PAPPA: variants seen among roughly 807,000 people sequenced by gnomAD.
PAPPA encodes the protein pappalysin 1.
A neutral mutation model predicts 164.0 loss-of-function variants in PAPPA; 60 were observed. The ratio of observed to expected loss-of-function variants is 0.37; its 90% CI spans 0.30 to 0.45. PAPPA has a LOEUF of 0.45. PAPPA is among the 20% of genes least tolerant of loss of function. PAPPA has a pLI of 1.00. For synonymous variants in PAPPA, 875 were observed against 814.1 expected (o/e 1.07, Z -1.27); for missense variants, 1,782 against 2,087.3 (o/e 0.85, Z 2.85).
intron 19 of PAPPA, among the ~76,000 whole-genome samples, chr9:116,370,917 G>A (rs1348818104): frequency 6.6e-6 from 1 of 152,136 alleles, no homozygotes; most frequent in Non-Finnish European, 1.5e-5. Flanking sequence ...TATGATTGCT[G>A]AGTCAGATGA....
intron 6 of PAPPA, among the ~76,000 whole-genome samples, chr9:116,233,086 A>G (rs868450438): frequency 2.0e-5 from 3 of 152,244 alleles, no homozygotes; most frequent in Non-Finnish European, 2.9e-5. Flanking sequence ...TTAATGTTCT[A>G]TGCTGTAACT....
intron 1 of PAPPA, among the ~76,000 whole-genome samples, chr9:116,178,827 A>G (rs1843867277): frequency 6.6e-6 from 1 of 152,234 alleles, no homozygotes; most frequent in African/African-American, 2.4e-5. Flanking sequence ...AGTAAATGGC[A>G]AAGCCAGCAT....
In PAPPA at chr9:116,174,878, C is replaced by A. The variant is rs1017741537; in HGVS notation, c.416-12276C>A. Among the ~76,000 whole-genome samples, 18 of 152,034 alleles carry A rather than the reference C, an allele frequency of 1.2e-4. 1 individual carries two copies. The highest frequency in any genetic ancestry group is 5.9e-5 in the Non-Finnish European group (4 of 68,014). On this transcript the variant is annotated intron_variant, in intron 1 of 21. Transcript: ENST00000328252. ...GTGACCATGGATGAAAAGAAATTTG[C>A]CCAAGATTAATAGTGGCAAATTAAA...
intron 10 of PAPPA, among the ~76,000 whole-genome samples, chr9:116,325,404 A>G (rs752733286): frequency 3.3e-5 from 5 of 152,206 alleles, no homozygotes; most frequent in Non-Finnish European, 5.9e-5. Flanking sequence ...ACCATTCAGT[A>G]CAACTGCAGA....
intron 7 of PAPPA, among the ~76,000 whole-genome samples, chr9:116,264,003 T>A (rs1050789155): frequency 6.6e-6 from 1 of 152,182 alleles, no homozygotes; most frequent in Admixed American, 6.5e-5. Flanking sequence ...TGGGATGTAG[T>A]CTGAAGAAAA....
At chr9:116,318,416 A>G (rs1435299514) in intron 10 of PAPPA, 1 of 152,188 alleles carries the variant, frequency 6.6e-6, no homozygotes, top group Non-Finnish European at 1.5e-5. Flanking sequence ...AGTGCTAAAT[A>G]AATGTTGAAT....
rs781517865 is a variant in PAPPA at position 116,347,250 on chromosome 9, A to C, written c.3964+41A>C. 1 of 1,549,810 alleles carries C rather than the reference A, an allele frequency of 6.5e-7. No individual in the cohort carries two copies. On this transcript the variant is annotated intron_variant, in intron 15 of 21. Transcript: ENST00000328252. The surrounding 1 kb of genome is among the most constrained non-coding windows in gnomAD (Gnocchi z 4.5). ...TCCCCAGCTCAGCCTTCCTTTGTCT[A>C]TGGGAAACCTAGAAGCTGCATCCAG...
At chr9:116,322,436 G>C (rs923381260) in intron 10 of PAPPA, among the ~76,000 whole-genome samples, 2 of 143,744 alleles carry the variant, frequency 1.4e-5, no homozygotes, top group Admixed American at 6.9e-5. Flanking sequence ...AAAAAAAAGA[G>C]CTGGTGCCCT....
At chr9:116,248,977 C>T (rs958344118) in intron 7 of PAPPA, among the ~76,000 whole-genome samples, 25 of 152,214 alleles carry the variant, frequency 1.6e-4, no homozygotes, top group African/African-American at 5.8e-4. Flanking sequence ...CCTCTTGGGG[C>T]CTCAGCTCTC....
At chr9:116,350,332 A>G (rs1354132087) in intron 15 of PAPPA, among the ~76,000 whole-genome samples, 12 of 152,198 alleles carry the variant, frequency 7.9e-5, no homozygotes, top group Admixed American at 7.2e-4. Flanking sequence ...TTGTAGATGC[A>G]GGGTAGTGGC....
chr9:116,295,597 T>A (rs947206692), intron 9 of PAPPA, among the ~76,000 whole-genome samples: 4 of 151,554 alleles, frequency 2.6e-5, no homozygotes, highest in Non-Finnish European at 5.9e-5. Context: ...TTTCAAAGTC[T>A]CCTCATTTCT....
intron 2 of PAPPA, among the ~76,000 whole-genome samples, chr9:116,188,973 G>A (rs1343512229): frequency 1.3e-5 from 2 of 152,200 alleles, no homozygotes; most frequent in Admixed American, 6.5e-5. Context: ...GTCATTACTT[G>A]TCTAATGAAA....
Position 116,154,138 on chromosome 9 carries a change from C to T in PAPPA, c.-35C>T. 2 of 1,118,762 alleles carry T rather than the reference C, an allele frequency of 1.8e-6. No homozygotes were observed. Among genetic ancestry groups the T allele is most frequent in the Admixed American group, 3.4e-5 (1 of 29,104 alleles). The allele number at this position is 1,118,762 out of a possible 1,614,324, so 69.3% of individuals were successfully genotyped here. ...AAGCTGGCAGCTCCGGGTGGCGGTGCAGGGGCGAAGGGGGGGCGGGGGGAA... is the reference window on the plus strand; with the variant it reads ...AAGCTGGCAGCTCCGGGTGGCGGTGTAGGGGCGAAGGGGGGGCGGGGGGAA... On this transcript the variant is annotated 5_prime_UTR_variant, in exon 1 of 22. Transcript: ENST00000328252. The surrounding 1 kb of genome is among the most constrained non-coding windows in gnomAD (Gnocchi z 5.2).
chr9:116,350,024 G>A (rs889587687), intron 15 of PAPPA, among the ~76,000 whole-genome samples: 5 of 152,162 alleles, frequency 3.3e-5, no homozygotes, highest in African/African-American at 7.2e-5. Context: ...TCTGGGAGAC[G>A]GTGGAGAACA....
At chr9:116,339,967 T>C (rs964662838) in intron 13 of PAPPA, among the ~76,000 whole-genome samples, 2 of 152,168 alleles carry the variant, frequency 1.3e-5, no homozygotes, top group Non-Finnish European at 2.9e-5. Flanking sequence ...AACATATAGA[T>C]AAGAAGAAAA....
chr9:116,284,163 T>C (rs1845301971), intron 9 of PAPPA, among the ~76,000 whole-genome samples: 1 of 152,188 alleles, frequency 6.6e-6, no homozygotes, highest in South Asian at 2.1e-4. Flanking sequence ...CAAATATTGA[T>C]TATTATGGCT....
At chr9:116,229,165 T>C (rs978129866) in intron 6 of PAPPA, among the ~76,000 whole-genome samples, 37 of 152,152 alleles carry the variant, frequency 2.4e-4, no homozygotes, top group African/African-American at 8.9e-4. Flanking sequence ...TCCCATGAAA[T>C]ATCACAACAC....
chr9:116,186,318 G>T (rs1039728393), intron 1 of PAPPA, among the ~76,000 whole-genome samples: 4 of 151,700 alleles, frequency 2.6e-5, no homozygotes, highest in African/African-American at 7.3e-5. Context: ...AGGCATCAGT[G>T]TAAGAAGAAA....
At chr9:116,395,630 T>C (rs1389744425) in intron 21 of PAPPA, among the ~76,000 whole-genome samples, 1 of 152,188 alleles carries the variant, frequency 6.6e-6, no homozygotes, top group Non-Finnish European at 1.5e-5. Context: ...GCTCTTCCTA[T>C]CAGTTTGCAG....
Sources: gnomAD v4.1 joint callset for allele counts (sites outside exome capture counted in the v4.1 genomes callset) on GRCh38, gnomAD v4.1.1 for gene constraint, Gnocchi (gnomAD v3.1) non-coding constraint, MANE v1.5 for transcripts, NCBI Gene and HGNC (gene_info 2026-07-23, HGNC 2026-07-21) for gene names.